The following ERC2 variants were observed in gnomAD, a reference collection of about 807,000 sequenced individuals.
ERC2 encodes the protein ERC protein 2.
ERC2 carries 42 observed loss-of-function variants against 114.8 expected under a neutral mutation model. That is an observed-to-expected ratio of 0.37 (90% CI 0.29 to 0.47). The LOEUF is 0.47. Ranked by LOEUF, ERC2 falls within the 20% of genes least tolerant of loss-of-function variation. ERC2 has a pLI of 0.99. For synonymous variants in ERC2, 454 were observed against 425.5 expected (o/e 1.07, Z -0.82); for missense variants, 939 against 1,150.7 (o/e 0.82, Z 2.66).
intron 9 of ERC2, among the ~76,000 whole-genome samples, chr3:56,008,075 G>T (rs1240190618): frequency 6.6e-6 from 1 of 152,118 alleles, no homozygotes; most frequent in East Asian, 1.9e-4. Flanking sequence ...AGCAATGTTT[G>T]TCATCAAATA....
intron 15 of ERC2, among the ~76,000 whole-genome samples, chr3:55,709,761 C>G (rs1254720602): frequency 6.6e-6 from 1 of 152,150 alleles, no homozygotes. Context: ...TGGGGTGAGC[C>G]ATGCAAAACA....
chr3:55,697,211 C>G (rs1042809946), intron 16 of ERC2, among the ~76,000 whole-genome samples: 1 of 152,184 alleles, frequency 6.6e-6, no homozygotes, highest in Non-Finnish European at 1.5e-5. Context: ...GTTAGGAACT[C>G]GGAACAGGAT....
chr3:55,972,719 T>C (rs1021283569), intron 12 of ERC2, among the ~76,000 whole-genome samples: 1 of 152,196 alleles, frequency 6.6e-6, no homozygotes, highest in African/African-American at 2.4e-5. Flanking sequence ...CTATTGTAAA[T>C]AGTGCTGCAG....
intron 14 of ERC2, among the ~76,000 whole-genome samples, chr3:55,850,894 G>A: frequency 9.7e-6 from 1 of 102,852 alleles, no homozygotes. Context: ...ACACACACGA[G>A]AGAACCAAAG....
chr3:55,520,223 G>C (rs917654095), intron 17 of ERC2, among the ~76,000 whole-genome samples: 1 of 151,856 alleles, frequency 6.6e-6, no homozygotes. Flanking sequence ...GAGGGCAAGG[G>C]GGACAGATGG....
intron 7 of ERC2, among the ~76,000 whole-genome samples, chr3:56,078,243 G>T (rs2149749774): frequency 6.6e-6 from 1 of 152,308 alleles, no homozygotes; most frequent in South Asian, 2.1e-4. Flanking sequence ...CTACAGAAAT[G>T]AATTAATAAT....
chr3:56,175,330 C>T (rs952199787), intron 3 of ERC2, among the ~76,000 whole-genome samples: 1 of 152,240 alleles, frequency 6.6e-6, no homozygotes, highest in South Asian at 2.1e-4. Flanking sequence ...AATGCTCTCA[C>T]ATCAGTCAGG....
chr3:56,441,692 C>G (rs2062315759), intron 1 of ERC2, among the ~76,000 whole-genome samples: 1 of 151,928 alleles, frequency 6.6e-6, no homozygotes, highest in African/African-American at 2.4e-5. Context: ...GCAACCTCCG[C>G]CTCCCGGGTT....
intron 8 of ERC2, among the ~76,000 whole-genome samples, chr3:56,015,240 G>A (rs999029858): frequency 6.6e-6 from 1 of 152,122 alleles, no homozygotes; most frequent in African/African-American, 2.4e-5. Flanking sequence ...GGATACATGT[G>A]CACGATGTGT....
intron 3 of ERC2, among the ~76,000 whole-genome samples, chr3:56,255,296 C>T (rs761680942): frequency 6.6e-6 from 1 of 152,136 alleles, no homozygotes; most frequent in African/African-American, 2.4e-5. Context: ...AAGGCTGTAA[C>T]CCCCACCACG....
chr3:56,103,118 A>G (rs766490232), intron 6 of ERC2, among the ~76,000 whole-genome samples: 2 of 152,142 alleles, frequency 1.3e-5, no homozygotes, highest in Non-Finnish European at 2.9e-5. Context: ...GGAGGAAGGG[A>G]TATTGAAGAT....
At chr3:56,102,169 T>C (rs1007719754) in intron 6 of ERC2, among the ~76,000 whole-genome samples, 25 of 152,010 alleles carry the variant, frequency 1.6e-4, no homozygotes, top group African/African-American at 5.3e-4. Flanking sequence ...CAAATGGAGG[T>C]CAGGCGAGTG....
chr3:56,308,194 A>C (rs2056343960), intron 2 of ERC2, among the ~76,000 whole-genome samples: 1 of 152,158 alleles, frequency 6.6e-6, no homozygotes, highest in Non-Finnish European at 1.5e-5. Flanking sequence ...AGGGGATTTG[A>C]CTGCAATCAC....
chr3:55,550,906 C>T (rs545713012), intron 17 of ERC2, among the ~76,000 whole-genome samples: 1 of 151,528 alleles, frequency 6.6e-6, no homozygotes, highest in South Asian at 2.1e-4. Context: ...GTCCCAGCTA[C>T]TCGGGAGGCT....
At chr3:55,737,722 G>A (rs2065725689) in intron 14 of ERC2, among the ~76,000 whole-genome samples, 1 of 152,156 alleles carries the variant, frequency 6.6e-6, no homozygotes, top group Non-Finnish European at 1.5e-5. Context: ...ATTTATGTTT[G>A]TTGAGAAACA....
chr3:56,458,197 A>C (rs2063150590), intron 1 of ERC2, among the ~76,000 whole-genome samples: 1 of 152,218 alleles, frequency 6.6e-6, no homozygotes, highest in South Asian at 2.1e-4. Flanking sequence ...TAAAATGATA[A>C]TTACTTAGTT....
At chr3:55,568,644 G>A (rs200317407) in intron 17 of ERC2, among the ~76,000 whole-genome samples, 3 of 152,128 alleles carry the variant, frequency 2.0e-5, no homozygotes, top group African/African-American at 2.4e-5. Flanking sequence ...ACCATCAAAC[G>A]TCTGTTTTCT....
chr3:55,928,284 CTT>C (rs1211514818), intron 13 of ERC2, among the ~76,000 whole-genome samples: 1 of 152,156 alleles, frequency 6.6e-6, no homozygotes, highest in African/African-American at 2.4e-5. Context: ...TATTGCCTGT[CTT>C]TTGGATAAAA....
rs554012959 is a variant in ERC2 at position 56,344,432 on chromosome 3, T to G, written c.658-47997A>C. 5.9e-5 allele frequency among the ~76,000 whole-genome samples: 9 copies of G among 152,252 alleles called. No individual in the cohort carries two copies. The East Asian group carries it at 1.7e-3, about 29-fold the overall frequency. ...AAAGCTCACAATTACTGTAACGAAG[T>G]GCCCTCAGGTCTGTCTTTAATCAGT... On this transcript the variant is annotated intron_variant, in intron 2 of 17. Transcript: ENST00000288221.
Sources: allele counts gnomAD v4.1 joint callset (sites outside exome capture counted in the v4.1 genomes callset), GRCh38; gene constraint gnomAD v4.1.1; transcripts MANE v1.5; gene names NCBI Gene and HGNC (gene_info 2026-07-23, HGNC 2026-07-21).